Variants in FAHD1 observed in about 807,000 individuals in gnomAD.
FAHD1 encodes the protein oxaloacetate tautomerase FAHD1, mitochondrial.
A neutral mutation model predicts 12.7 loss-of-function variants in FAHD1; 14 were observed. The observed-to-expected ratio is 1.10, with a 90% CI of 0.73 to 1.72. The LOEUF (loss-of-function observed/expected upper bound fraction) is 1.72, where lower values mean the gene tolerates loss of function less well. FAHD1 is among the 40% of genes most tolerant of loss of function. The pLI is 0.00. For synonymous variants in FAHD1, 153 were observed against 124.9 expected, an observed-to-expected ratio of 1.22 and a Z score of -1.50; for missense variants, 351 against 298.9, an observed-to-expected ratio of 1.17 and a Z score of -1.29.
chr16:1,827,269 T>A (rs374169944), exon 1 of FAHD1: 7 of 1,612,204 alleles, frequency 4.3e-6, no homozygotes, highest in Non-Finnish European at 5.9e-6. Context: ...GTCCCGCTTC[T>A]GGGAGTGGGG....
At chr16:1,832,336 A>C (rs1898637328), downstream of FAHD1, among the ~76,000 whole-genome samples, 1 of 150,140 alleles carries the variant, frequency 6.7e-6, no homozygotes, top group Non-Finnish European at 1.5e-5. Flanking sequence ...ACACCCGGCT[A>C]ATTTTTTTGT....
intron 1 of FAHD1, among the ~76,000 whole-genome samples, chr16:1,836,158 C>G (rs1334404812): frequency 6.9e-6 from 1 of 144,462 alleles, no homozygotes; most frequent in Non-Finnish European, 1.5e-5. Context: ...AAATCTTCAA[C>G]ATGTGTTATT....
downstream of FAHD1, among the ~76,000 whole-genome samples, chr16:1,829,129 T>C (rs1567268618): frequency 6.6e-6 from 1 of 152,150 alleles, no homozygotes; most frequent in Non-Finnish European, 1.5e-5. Flanking sequence ...TGCACCCTCC[T>C]CTGAAAAAAC....
chr16:1,832,261 C>T (rs1299627413), downstream of FAHD1, among the ~76,000 whole-genome samples: 1 of 142,868 alleles, frequency 7.0e-6, no homozygotes, highest in Non-Finnish European at 1.5e-5. Context: ...AGCTCCGCCT[C>T]CCGGGTTCAC....
downstream of FAHD1, among the ~76,000 whole-genome samples, chr16:1,829,950 G>C (rs924125386): frequency 6.6e-6 from 1 of 151,010 alleles, no homozygotes; most frequent in Non-Finnish European, 1.5e-5. Flanking sequence ...TGCAACCTCT[G>C]CCTCCCAGGT....
chr16:1,832,320 T>C (rs552221274), downstream of FAHD1, among the ~76,000 whole-genome samples: 1 of 149,128 alleles, frequency 6.7e-6, no homozygotes, highest in African/African-American at 2.4e-5. Context: ...ACAGGCGCCC[T>C]CCACCACACC....
At chr16:1,833,497 C>T (rs1003931432), downstream of FAHD1, among the ~76,000 whole-genome samples, 5 of 150,990 alleles carry the variant, frequency 3.3e-5, no homozygotes, top group Non-Finnish European at 7.4e-5. Context: ...CTCATCCTGT[C>T]AGATCTGTCA....
chr16:1,837,762 T>C, intron 1 of FAHD1: 1 of 1,166,494 alleles, frequency 8.6e-7, no homozygotes, highest in Non-Finnish European at 1.2e-6. Flanking sequence ...TAGAATAATA[T>C]GGGACTATAA....
intron 1 of FAHD1, chr16:1,834,123 A>G (rs534532797): frequency 5.6e-5 from 34 of 605,290 alleles, no homozygotes; most frequent in Non-Finnish European, 1.0e-4. Context: ...CACCTCCACC[A>G]TAACAATTTC....
downstream of FAHD1, among the ~76,000 whole-genome samples, chr16:1,829,195 C>T (rs1010042645): frequency 6.6e-6 from 1 of 152,188 alleles, no homozygotes; most frequent in Non-Finnish European, 1.5e-5. Context: ...CTTTGGGCTT[C>T]GGCAGGGGTT....
At chr16:1,827,239 A>T in exon 1 of FAHD1, 2 of 1,601,578 alleles carry the variant, frequency 1.2e-6, no homozygotes, top group African/African-American at 1.3e-5. Flanking sequence ...GATGGGAATC[A>T]TGGCAGCATC....
chr16:1,828,289 A>AC, exon 1 of FAHD1: 1 of 1,003,548 alleles, frequency 1.0e-6, no homozygotes, highest in Non-Finnish European at 1.2e-6. Flanking sequence ...AAAAAAAAAA[A>AC]AAAAGAAACC....
intron 1 of FAHD1, among the ~76,000 whole-genome samples, chr16:1,836,417 T>C (rs933200561): frequency 6.6e-6 from 1 of 152,182 alleles, no homozygotes; most frequent in African/African-American, 2.4e-5. Flanking sequence ...TCAGACTCAT[T>C]AGCAAGTGGT....
At chr16:1,830,944 A>ACACACACCCCCCACCCACC (rs57025691), downstream of FAHD1, among the ~76,000 whole-genome samples, 1 of 147,206 alleles carries the variant, frequency 6.8e-6, no homozygotes, top group South Asian at 2.2e-4. Flanking sequence ...ACACACACAC[A>ACACACACCCCCCACCCACC]CCCATATTTT....
At chr16:1,830,958 A>C (rs1175239142), downstream of FAHD1, among the ~76,000 whole-genome samples, 1 of 132,962 alleles carries the variant, frequency 7.5e-6, no homozygotes, top group African/African-American at 2.9e-5. Context: ...ATATTTTGGA[A>C]ATGCGTCGGG....
chr16:1,829,880 T>G (rs1227324337), downstream of FAHD1, among the ~76,000 whole-genome samples: 9 of 152,030 alleles, frequency 5.9e-5, no homozygotes, highest in Admixed American at 5.9e-4. Context: ...TTTTTCTTTT[T>G]GAGATGGCGT....
intron 2 of FAHD1, chr16:1,839,181 A>G: frequency 6.9e-7 from 1 of 1,449,700 alleles, no homozygotes; most frequent in Non-Finnish European, 9.1e-7. Context: ...GTTTGACAAA[A>G]CAACCTATAT....
downstream of FAHD1, among the ~76,000 whole-genome samples, chr16:1,833,559 T>TC (rs1189789345): frequency 0.1 from 14,261 of 138,164 alleles, 772 homozygotes; most frequent in South Asian, 0.15. Context: ...AGGTACTTTT[T>TC]TTTTTTTTTT....
At chr16:1,834,656 G>T (rs971750977) in intron 1 of FAHD1, among the ~76,000 whole-genome samples, 2 of 152,228 alleles carry the variant, frequency 1.3e-5, no homozygotes, top group African/African-American at 4.8e-5. Context: ...GCCGGGTGCT[G>T]GTGCAGTGGC....
Sources: allele counts gnomAD v4.1 joint callset (sites outside exome capture counted in the v4.1 genomes callset), GRCh38; gene constraint gnomAD v4.1.1; transcripts MANE v1.5; gene names NCBI Gene and HGNC (gene_info 2026-07-23, HGNC 2026-07-21).